The following WRN variants were observed in gnomAD, a reference collection of about 807,000 sequenced individuals.
WRN encodes the protein WRN RecQ like helicase, also known as bifunctional 3'-5' exonuclease/ATP-dependent helicase WRN.
Under a neutral mutation model 180.7 loss-of-function variants are expected in WRN, and 149 were observed. That is an observed-to-expected ratio of 0.82 (90% CI 0.72 to 0.94). The LOEUF (loss-of-function observed/expected upper bound fraction) is 0.94, where lower values mean the gene tolerates loss of function less well. Among genes scored for constraint, WRN ranks in the 40% least tolerant of loss-of-function variants. The probability of loss-of-function intolerance (pLI) is 0.00; values close to 1 mark genes in which losing one functional copy is unlikely to be tolerated. For synonymous variants in WRN, 548 were observed against 568.9 expected (o/e 0.96, Z 0.52); for missense variants, 1,661 against 1,700.1 (o/e 0.98, Z 0.40).
chr8:31,120,236 T>C lies in WRN; in HGVS notation c.2449-7T>C. 6.2e-7 allele frequency: 1 copy of C among 1,612,440 alleles called. No homozygotes were observed. The highest frequency in any genetic ancestry group is 8.5e-7 in the Non-Finnish European group (1 of 1,178,678). On this transcript the variant is annotated splice_polypyrimidine_tract_variant and splice_region_variant and intron_variant, in intron 20 of 34. Coordinates refer to ENST00000298139, the MANE Select transcript of WRN (RefSeq NM_000553.6). ...GTTTGTCAAACTGTGTTGTGATTTG[T>C]TCTCAGTGTGTCATAGCTACCATAG...
intron 33 of WRN, among the ~76,000 whole-genome samples, chr8:31,164,302 A>G (rs555871243): frequency 2.6e-5 from 4 of 152,366 alleles, no homozygotes; most frequent in Non-Finnish European, 4.4e-5. Context: ...ATGAGGATAT[A>G]CATACTATAA....
intron 7 of WRN, among the ~76,000 whole-genome samples, chr8:31,074,631 G>A (rs1236014336): frequency 6.6e-6 from 1 of 152,122 alleles, no homozygotes; most frequent in Non-Finnish European, 1.5e-5. Context: ...TCATCGATGT[G>A]TTTATTTTCA....
chr8:31,124,511 T>G lies in WRN; in HGVS notation c.2631-11T>G. On this transcript the variant is annotated splice_polypyrimidine_tract_variant and intron_variant, in intron 21 of 34. Transcript: ENST00000298139. ...AGTTTTACATATTCCTGTGATGTTTTTAATCGACAGGCACCTTCTTACTGA... is the reference window on the plus strand; with the variant it reads ...AGTTTTACATATTCCTGTGATGTTTGTAATCGACAGGCACCTTCTTACTGA... 6.2e-7 allele frequency: 1 copy of G among 1,601,750 alleles called. No individual in the cohort carries two copies. Among genetic ancestry groups the G allele is most frequent in the East Asian group, 2.2e-5 (1 of 44,676 alleles).
intron 31 of WRN, among the ~76,000 whole-genome samples, chr8:31,151,034 T>C (rs1376201776): frequency 6.6e-6 from 1 of 152,242 alleles, no homozygotes; most frequent in African/African-American, 2.4e-5. Flanking sequence ...TAATGCATAC[T>C]CTGCAGAAGG....
In WRN at chr8:31,079,556, T is replaced by C. The variant is rs935321616; in HGVS notation, c.840-1311T>C. Among the ~76,000 whole-genome samples, 7 of 152,366 alleles carry C rather than the reference T, an allele frequency of 4.6e-5. No individual in the cohort carries two copies. In the South Asian group the frequency reaches 1.4e-3, roughly 32 times the overall value. ...TCTAGCAGTGGTTTTCCATTCCAAC[T>C]AACTAGATTGGGTTTATAATATAGT... On this transcript the variant is annotated intron_variant, in intron 8 of 34. Transcript: ENST00000298139.
intron 21 of WRN, among the ~76,000 whole-genome samples, chr8:31,121,823 C>A (rs1221570107): frequency 6.6e-6 from 1 of 151,798 alleles, no homozygotes; most frequent in Non-Finnish European, 1.5e-5. Context: ...CAAAACCATC[C>A]TTTTTTTGTA....
chr8:31,133,322 C>T (rs968360197), intron 24 of WRN, among the ~76,000 whole-genome samples: 11 of 152,204 alleles, frequency 7.2e-5, no homozygotes, highest in East Asian at 5.8e-4. Context: ...TTAAAATTCT[C>T]GTATTGAATG....
At chr8:31,096,937 G>A (rs1814011798) in intron 17 of WRN, 87 bp downstream of exon 17, 3 of 1,262,646 alleles carry the variant, frequency 2.4e-6, no homozygotes, top group South Asian at 2.4e-5. Context: ...TTTCACTTCT[G>A]TTAAAGTTTA....
intron 7 of WRN, among the ~76,000 whole-genome samples, chr8:31,072,851 C>T (rs1812962374): frequency 6.6e-6 from 1 of 151,962 alleles, no homozygotes; most frequent in Non-Finnish European, 1.5e-5. Context: ...AGTGAGGGAG[C>T]CATGTGGTTA....
chr8:31,074,952 G>A (rs1813044494), intron 7 of WRN, among the ~76,000 whole-genome samples: 2 of 152,142 alleles, frequency 1.3e-5, no homozygotes, highest in African/African-American at 4.8e-5. Flanking sequence ...TCTCAGGGTG[G>A]AAGGCTTACA....
intron 18 of WRN, 26 bp downstream of exon 18, chr8:31,100,981 C>G (rs73670446): frequency 2.0e-5 from 31 of 1,578,630 alleles, no homozygotes; most frequent in Non-Finnish European, 2.6e-5. Context: ...TCTGATGTCC[C>G]GAAATTACAT....
rs1804160600 is a variant in WRN at position 31,173,012 on chromosome 8, A to T, written c.4209A>T (p.Arg1403Ser). 6.2e-7 allele frequency: 1 copy of T among 1,613,818 alleles called. No homozygotes were observed. Among genetic ancestry groups the T allele is most frequent in the African/African-American group, 1.3e-5 (1 of 74,918 alleles). The change falls in exon 35 of 35, where the codon AGA becomes AGT. Residue 1403 changes from arginine to serine, a missense_variant. Arg to Ser is a moderately radical substitution (Grantham distance 110). This residue lies in a region of WRN where 1,141 missense variants were observed against 1,149.4 expected (regional missense o/e 0.99). Coordinates refer to ENST00000298139, the MANE Select transcript of WRN (RefSeq NM_000553.6). ...GINTETSSAE[R>S]KRRLPVWFAK... ...TCCTACAGACTTCATCTGCAGAGAGAAAGAGACGATTACCTGTGTGGTTTG... is the reference window on the plus strand; with the variant it reads ...TCCTACAGACTTCATCTGCAGAGAGTAAGAGACGATTACCTGTGTGGTTTG...
intron 21 of WRN, among the ~76,000 whole-genome samples, chr8:31,121,823 C>CT (rs34007483): frequency 6.6e-6 from 1 of 151,914 alleles, no homozygotes; most frequent in East Asian, 1.9e-4. Context: ...CAAAACCATC[C>CT]TTTTTTTGTA....
intron 17 of WRN, among the ~76,000 whole-genome samples, chr8:31,097,971 C>T (rs374680514): frequency 1.1e-4 from 16 of 152,146 alleles, no homozygotes; most frequent in African/African-American, 2.6e-4. Flanking sequence ...CGAATTGCAA[C>T]GTCTCATTTA....
intron 9 of WRN, among the ~76,000 whole-genome samples, chr8:31,083,268 A>T (rs1299974828): frequency 6.6e-6 from 1 of 152,238 alleles, no homozygotes; most frequent in African/African-American, 2.4e-5. Flanking sequence ...TATTACAATC[A>T]TAGTAGTTTT....
chr8:31,091,218 CT>C (rs1370841229), intron 15 of WRN, among the ~76,000 whole-genome samples: 3 of 152,046 alleles, frequency 2.0e-5, no homozygotes, highest in Non-Finnish European at 1.5e-5. Context: ...AAATTCTTTT[CT>C]CTTTTTGTTA....
intron 20 of WRN, 114 bp downstream of exon 20, chr8:31,116,642 G>C: frequency 1.4e-6 from 2 of 1,415,886 alleles, no homozygotes; most frequent in Non-Finnish European, 2.0e-6. Context: ...ACATAAAGCA[G>C]TCCCTCTGAT....
At chr8:31,057,340 G>A (rs1042807530) in intron 1 of WRN, among the ~76,000 whole-genome samples, 1 of 152,178 alleles carries the variant, frequency 6.6e-6, no homozygotes, top group East Asian at 1.9e-4. Flanking sequence ...GCTGAGGTGG[G>A]CGATCGGATC....
chr8:31,099,879 A>G (rs936516381), intron 17 of WRN, among the ~76,000 whole-genome samples: 5 of 152,168 alleles, frequency 3.3e-5, no homozygotes, highest in African/African-American at 9.7e-5. Flanking sequence ...ATTATTATCC[A>G]CATTTTACTT....
Sources: gnomAD v4.1 joint callset for allele counts (sites outside exome capture counted in the v4.1 genomes callset) on GRCh38, gnomAD v4.1.1 for gene constraint, gnomAD v4.1.1 regional missense constraint, MANE v1.5 for transcripts, NCBI Gene and HGNC (gene_info 2026-07-23, HGNC 2026-07-21) for gene names.